Variants in ASTN2 observed in about 807,000 individuals in gnomAD.
ASTN2 encodes astrotactin-2.
In ASTN2, 54 loss-of-function variants were observed where a neutral mutation model predicts 139.8. That is an observed-to-expected ratio of 0.39 (90% CI 0.31 to 0.48). ASTN2 has a LOEUF of 0.48. Ranked by LOEUF, ASTN2 falls within the 20% of genes least tolerant of loss-of-function variation. The pLI is 0.95. For missense variants in ASTN2, 1,565 were observed against 1,725.1 expected, an observed-to-expected ratio of 0.91 and a Z score of 1.64; for synonymous variants, 756 against 719.5, an observed-to-expected ratio of 1.05 and a Z score of -0.81.
chr9:116,720,563 T>C (rs1385852555), intron 16 of ASTN2, among the ~76,000 whole-genome samples: 2 of 147,788 alleles, frequency 1.4e-5, no homozygotes, highest in Non-Finnish European at 3.0e-5. Context: ...CCCTCTTTTC[T>C]CTCTCTCTCT....
rs1221690558 is a variant in ASTN2 at position 116,789,914 on chromosome 9, CTT to C, written c.2396+15716_2396+15717del. On this transcript the variant is annotated intron_variant, in intron 13 of 22. Coordinates refer to ENST00000313400, the MANE Select transcript of ASTN2 (RefSeq NM_001365068.1). ...CAAGGCATCTTAACCTGACTTTTCT[CTT>C]TCTCTTTTTTTTTTTTTTTTTTTTT... 1.0e-2 allele frequency among the ~76,000 whole-genome samples: 1,372 copies of C among 137,378 alleles called. 17 individuals carry two copies. The highest frequency in any genetic ancestry group is 0.036 in the African/African-American group (1,291 of 35,394). 90.1% of individuals were successfully genotyped at this position (137,378 alleles called of 152,430 possible).
intron 11 of ASTN2, among the ~76,000 whole-genome samples, chr9:116,832,065 C>G (rs1831830103): frequency 6.6e-6 from 1 of 152,036 alleles, no homozygotes; most frequent in Non-Finnish European, 1.5e-5. Context: ...TATATTTTGT[C>G]AGATTCACAT....
intron 2 of ASTN2, among the ~76,000 whole-genome samples, chr9:117,252,706 G>A (rs1286622376): frequency 6.6e-6 from 1 of 152,332 alleles, no homozygotes; most frequent in South Asian, 2.1e-4. Context: ...AAATAAAGAA[G>A]CTGAAGCTCA....
intron 6 of ASTN2, among the ~76,000 whole-genome samples, chr9:117,036,689 G>A (rs1270485310): frequency 1.3e-5 from 2 of 152,090 alleles, no homozygotes; most frequent in South Asian, 4.2e-4. Flanking sequence ...TCTCAAATCT[G>A]TCTATCCTGC....
chr9:116,847,253 C>T (rs986072465), intron 11 of ASTN2, among the ~76,000 whole-genome samples: 16 of 152,034 alleles, frequency 1.1e-4, no homozygotes, highest in Non-Finnish European at 1.6e-4. Context: ...GTAGCTGGGA[C>T]TACAGGCACA....
chr9:116,463,614 A>C (rs1190323813), intron 20 of ASTN2, among the ~76,000 whole-genome samples: 1 of 152,184 alleles, frequency 6.6e-6, no homozygotes, highest in African/African-American at 2.4e-5. Flanking sequence ...CCCTCTGGGA[A>C]GCCTTCTCTG....
At chr9:117,256,916 CAGAT>C (rs1336451297) in intron 2 of ASTN2, among the ~76,000 whole-genome samples, 5 of 151,836 alleles carry the variant, frequency 3.3e-5, no homozygotes, top group African/African-American at 1.2e-4. Context: ...GTTAAAGACA[CAGAT>C]AGTCAGTTAA....
chr9:116,613,088 T>C (rs1713618546), intron 19 of ASTN2: 1 of 152,072 alleles, frequency 6.6e-6, no homozygotes, highest in Admixed American at 6.6e-5. Context: ...GAGAATACTA[T>C]AAACACCTCT....
rs1828788232 is a variant in ASTN2, at chr9:116,731,650, C to T, written c.2521+1749G>A. Among the ~76,000 whole-genome samples the T allele has an allele frequency of 2.0e-5, 3 of 152,288 alleles. No individual in the cohort carries two copies. The South Asian group carries it at 6.2e-4, about 32-fold the overall frequency. The stretch of plus-strand genomic sequence containing the variant: ...TGTTGGCTAGGCTGGTCTCAAACTC[C>T]TGACCTCAGGTGATCAACCTGCCTC... On this transcript the variant is annotated intron_variant, in intron 14 of 22. Coordinates refer to ENST00000313400, the MANE Select transcript of ASTN2 (RefSeq NM_001365068.1).
rs1564183180 is a variant in ASTN2 at position 116,651,640 on chromosome 9, C to T, written c.2960G>A (p.Cys987Tyr). The T allele has an allele frequency of 6.2e-7, 1 of 1,614,002 alleles. No homozygotes were observed. The highest frequency in any genetic ancestry group is 1.3e-5 in the African/African-American group (1 of 74,898). ...CTTGCCTGGCCGGCGGCAAAGGTGA[C>T]AGGTAGATGGACAGCGCCCCTTCTC... ...CEEKGRCPST[C>Y]HLCRRPGKEQ... The change falls in exon 17 of 23, where the codon TGT becomes TAT. Residue 987 changes from cysteine (C) to tyrosine (Y), a missense_variant. By Grantham distance (194) the Cys-to-Tyr change is radical. Around this residue, in one of 4 missense-constraint regions of ASTN2, gnomAD observed 418 missense variants for 465.8 expected, o/e 0.90. Transcript: ENST00000313400.
At chr9:117,131,379 CCTGA>C (rs1339565171) in intron 4 of ASTN2, among the ~76,000 whole-genome samples, 1 of 152,154 alleles carries the variant, frequency 6.6e-6, no homozygotes, top group Admixed American at 6.5e-5. Context: ...CGAATTCCAA[CCTGA>C]CTCTGATGTA....
chr9:116,742,415 T>C (rs997039406), intron 13 of ASTN2, among the ~76,000 whole-genome samples: 4 of 152,344 alleles, frequency 2.6e-5, no homozygotes, highest in African/African-American at 9.6e-5. Flanking sequence ...GAAAGTCAAG[T>C]GGCTGAGAGT....
rs149138796 is a variant in ASTN2, at chr9:116,982,423, G to A, written c.1592-5638C>T. 3.9e-5 allele frequency among the ~76,000 whole-genome samples: 6 copies of A among 152,152 alleles called. No homozygotes were observed. The East Asian group carries it at 1.2e-3, about 29-fold the overall frequency. ...TTCATATAATTATTGTTCTTGGGTAGGAAAGGCCCATCCAGTATGTTGTTT... is the reference window on the plus strand; with the variant it reads ...TTCATATAATTATTGTTCTTGGGTAAGAAAGGCCCATCCAGTATGTTGTTT... On this transcript the variant is annotated intron_variant, in intron 7 of 22. Transcript: ENST00000313400.
chr9:117,091,536 C>T (rs1354437351), intron 5 of ASTN2, among the ~76,000 whole-genome samples: 1 of 152,046 alleles, frequency 6.6e-6, no homozygotes, highest in Non-Finnish European at 1.5e-5. Context: ...GACAGCTTTG[C>T]AGAAAATATG....
intron 5 of ASTN2, among the ~76,000 whole-genome samples, chr9:117,052,318 T>C (rs1235272276): frequency 6.6e-6 from 1 of 151,272 alleles, no homozygotes; most frequent in Non-Finnish European, 1.5e-5. Flanking sequence ...TGGGCACCTG[T>C]AGTCCCAGCC....
intron 19 of ASTN2, among the ~76,000 whole-genome samples, chr9:116,600,370 GAA>G (rs944282578): frequency 1.4e-5 from 2 of 143,298 alleles, no homozygotes; most frequent in African/African-American, 5.1e-5. Context: ...GAAAGAAAAA[GAA>G]AAAGACTACT....
intron 1 of ASTN2, among the ~76,000 whole-genome samples, chr9:117,377,658 T>C (rs1830159349): frequency 1.3e-5 from 2 of 151,148 alleles, no homozygotes; most frequent in East Asian, 1.9e-4. Flanking sequence ...TAAATATATA[T>C]ATATAATATA....
At chr9:117,182,637 C>T (rs1185972665) in intron 3 of ASTN2, among the ~76,000 whole-genome samples, 1 of 152,220 alleles carries the variant, frequency 6.6e-6, no homozygotes, top group Non-Finnish European at 1.5e-5. Flanking sequence ...AAGCTGTTCT[C>T]TGTTCCTTGT....
chr9:117,194,870 T>C (rs10983570), intron 3 of ASTN2, among the ~76,000 whole-genome samples: 94,064 of 152,050 alleles, frequency 0.62, 29,277 homozygotes, highest in Middle Eastern at 0.7. Context: ...TTGAAAATGC[T>C]AAACAAGATT....
Sources: gnomAD v4.1 joint callset for allele counts (sites outside exome capture counted in the v4.1 genomes callset) on GRCh38, gnomAD v4.1.1 for gene constraint, gnomAD v4.1.1 regional missense constraint, MANE v1.5 for transcripts, NCBI Gene and HGNC (gene_info 2026-07-23, HGNC 2026-07-21) for gene names.